CACNA1D: variants seen among roughly 807,000 people sequenced by gnomAD.
CACNA1D encodes the protein calcium voltage-gated channel subunit alpha1 D, also known as voltage-dependent L-type calcium channel subunit alpha-1D.
CACNA1D carries 55 observed loss-of-function variants against 257.1 expected under a neutral mutation model. That is an observed-to-expected ratio of 0.21 (90% CI 0.17 to 0.27). The LOEUF is 0.27. Ranked by LOEUF, CACNA1D falls within the 10% of genes least tolerant of loss-of-function variation. The pLI, the probability that CACNA1D is intolerant of heterozygous loss-of-function variation, is 1.00. For synonymous variants in CACNA1D, 980 were observed against 1,014.9 expected (o/e 0.97, Z 0.65); for missense variants, 1,876 against 2,784.0 (o/e 0.67, Z 7.34).
At chr3:53,497,061 TTATTGATGG>T in intron 1 of CACNA1D, 82 bp from the exon 2 acceptor site, 1 of 947,786 alleles carries the variant, frequency 1.1e-6, no homozygotes, top group Non-Finnish European at 1.7e-6. Context: ...GATTCCCCTG[TTATTGATGG>T]GAGACAACCT....
intron 7 of CACNA1D, 119 bp downstream of exon 7, chr3:53,666,654 G>C: frequency 4.7e-6 from 4 of 847,928 alleles, no homozygotes; most frequent in Non-Finnish European, 8.1e-6. Flanking sequence ...TATTTGGGAA[G>C]GGAAGCAGAT....
At chr3:53,522,196 T>C (rs979220) in intron 3 of CACNA1D, among the ~76,000 whole-genome samples, 52,011 of 151,992 alleles carry the variant, frequency 0.34, 10,703 homozygotes, top group African/African-American at 0.58. Flanking sequence ...AGACGACATA[T>C]GGGTTGTTTC....
intron 3 of CACNA1D, among the ~76,000 whole-genome samples, chr3:53,605,128 A>T (rs904486265): frequency 1.3e-5 from 2 of 152,194 alleles, no homozygotes; most frequent in East Asian, 3.8e-4. Context: ...TCCATACTGT[A>T]CTGTTAGAAA....
chr3:53,729,733 C>T (rs143347700), intron 15 of CACNA1D, among the ~76,000 whole-genome samples: 8 of 152,236 alleles, frequency 5.3e-5, no homozygotes, highest in Non-Finnish European at 1.0e-4. Flanking sequence ...CAATGAGCCT[C>T]GGGAAGCAAT....
At chr3:53,790,024 C>T (rs1025964932) in intron 40 of CACNA1D, among the ~76,000 whole-genome samples, 1 of 152,124 alleles carries the variant, frequency 6.6e-6, no homozygotes, top group Non-Finnish European at 1.5e-5. Flanking sequence ...CATCCATCTT[C>T]ATCATTAAAA....
chr3:53,726,815 G>A (rs2094939636), intron 14 of CACNA1D, 64 bp from the exon 15 acceptor site: 2 of 1,611,634 alleles, frequency 1.2e-6, no homozygotes, highest in Non-Finnish European at 8.5e-7. Context: ...CCACCGAGGG[G>A]CTCTAAGAGA....
chr3:53,544,061 C>G (rs2092360252), intron 3 of CACNA1D, among the ~76,000 whole-genome samples: 1 of 152,080 alleles, frequency 6.6e-6, no homozygotes, highest in African/African-American at 2.4e-5. Context: ...AAGGCCATTG[C>G]TAATTCATTA....
intron 8 of CACNA1D, among the ~76,000 whole-genome samples, chr3:53,677,052 A>AT (rs1553632410): frequency 6.6e-6 from 1 of 152,100 alleles, no homozygotes; most frequent in Non-Finnish European, 1.5e-5. Flanking sequence ...AAGTTTGGCA[A>AT]TTTTTCACTT....
intron 3 of CACNA1D, among the ~76,000 whole-genome samples, chr3:53,576,981 A>G (rs536566368): frequency 1.3e-5 from 2 of 152,304 alleles, no homozygotes; most frequent in South Asian, 2.1e-4. Flanking sequence ...GCTTCTTCAT[A>G]TTGGTTCCAA....
At chr3:53,632,487 T>C (rs996574391) in intron 3 of CACNA1D, among the ~76,000 whole-genome samples, 1 of 152,258 alleles carries the variant, frequency 6.6e-6, no homozygotes, top group Non-Finnish European at 1.5e-5. Flanking sequence ...CATTTGTTCA[T>C]TGGAGTAACA....
At chr3:53,606,928 A>G (rs1340824647) in intron 3 of CACNA1D, among the ~76,000 whole-genome samples, 1 of 152,186 alleles carries the variant, frequency 6.6e-6, no homozygotes, top group Non-Finnish European at 1.5e-5. Context: ...CATAAGTGAA[A>G]TGATATAGAA....
chr3:53,570,662 A>T (rs767869842), intron 3 of CACNA1D, among the ~76,000 whole-genome samples: 2 of 152,244 alleles, frequency 1.3e-5, no homozygotes, highest in Non-Finnish European at 2.9e-5. Flanking sequence ...GCAAACATAC[A>T]CATCCGTGTG....
intron 11 of CACNA1D, among the ~76,000 whole-genome samples, chr3:53,721,017 A>AGAT (rs2094877730): frequency 6.6e-6 from 1 of 152,212 alleles, no homozygotes; most frequent in Non-Finnish European, 1.5e-5. Context: ...AAGGTCCATC[A>AGAT]AATGTGAATG....
intron 8 of CACNA1D, among the ~76,000 whole-genome samples, chr3:53,691,427 T>G (rs1402535295): frequency 6.6e-6 from 1 of 151,832 alleles, no homozygotes; most frequent in Non-Finnish European, 1.5e-5. Context: ...TAAAACATGT[T>G]TAAGTTTTAA....
In CACNA1D at chr3:53,740,319, A is replaced by G. The variant is rs748642828; in HGVS notation, c.2791A>G (p.Thr931Ala). The stretch of plus-strand genomic sequence containing the variant: ...TGACTATGCCTTCACAGCCATCTTT[A>G]CTGTTGAGATCCTGTTGAAGGTAAT... ...YFDYAFTAIF[T>A]VEILLKMTTF... is the part of the protein sequence containing the mutation. Residue 931 changes from threonine to alanine, a missense_variant, in exon 21 of 48, where the codon ACT becomes GCT. Thr to Ala is a moderately conservative substitution (Grantham distance 58). Transcript: ENST00000350061. The G allele has an allele frequency of 1.2e-6, 2 of 1,611,262 alleles. No homozygotes were observed. Among genetic ancestry groups the G allele is most frequent in the Non-Finnish European group, 1.7e-6 (2 of 1,177,384 alleles).
At chr3:53,703,149 A>C (rs1256491042) in intron 9 of CACNA1D, among the ~76,000 whole-genome samples, 1 of 152,258 alleles carries the variant, frequency 6.6e-6, no homozygotes, top group East Asian at 1.9e-4. Flanking sequence ...ACAGGAGAAG[A>C]AGCTGTGGTT....
At chr3:53,718,553 T>A in intron 10 of CACNA1D, 165 bp downstream of exon 10, 1 of 1,041,306 alleles carries the variant, frequency 9.6e-7, no homozygotes, top group Non-Finnish European at 1.4e-6. Flanking sequence ...GTGCCAGGGC[T>A]ATCCCTCCTG....
intron 3 of CACNA1D, among the ~76,000 whole-genome samples, chr3:53,576,832 T>C (rs1186827223): frequency 6.6e-6 from 1 of 152,262 alleles, no homozygotes; most frequent in Non-Finnish European, 1.5e-5. Context: ...TCATGCTGAT[T>C]CATTTGATTC....
At chr3:53,553,261 A>G (rs1000980461) in intron 3 of CACNA1D, among the ~76,000 whole-genome samples, 3 of 152,224 alleles carry the variant, frequency 2.0e-5, no homozygotes, top group African/African-American at 4.8e-5. Flanking sequence ...TGACTAATGA[A>G]GCTTTACTTG....
Sources: gnomAD v4.1 joint callset for allele counts (sites outside exome capture counted in the v4.1 genomes callset) on GRCh38, gnomAD v4.1.1 for gene constraint, MANE v1.5 for transcripts, NCBI Gene and HGNC (gene_info 2026-07-23, HGNC 2026-07-21) for gene names.